Variants in SPRY3 observed in about 807,000 individuals in gnomAD.
SPRY3 encodes sprouty RTK signaling antagonist 3, also known as protein sprouty homolog 3.
In SPRY3, 15 loss-of-function variants were observed where a neutral mutation model predicts 20.2. The ratio of observed to expected loss-of-function variants is 0.74; its 90% CI spans 0.50 to 1.14. SPRY3 has a LOEUF of 1.14. SPRY3 is among the 50% of genes most tolerant of loss of function. SPRY3 has a pLI of 0.00. For missense variants in SPRY3, 364 were observed against 363.9 expected (o/e 1.00, Z 0.00); for synonymous variants, 143 against 136.5 (o/e 1.05, Z -0.33).
chrX:155,730,479 T>G (rs751254772), intron 2 of SPRY3, among the ~76,000 whole-genome samples: 15 of 152,262 alleles, frequency 9.9e-5, no homozygotes, highest in Admixed American at 3.3e-4. Flanking sequence ...TTTGATAAAA[T>G]TTGACATCGC....
intron 2 of SPRY3, among the ~76,000 whole-genome samples, chrX:155,744,564 C>A (rs1253518588): frequency 6.6e-6 from 1 of 152,014 alleles, no homozygotes; most frequent in Non-Finnish European, 1.5e-5. Context: ...TAAAGTGTTT[C>A]TTTCAGTGTC....
chrX:155,769,020 C>A (rs2091365096), intron 3 of SPRY3, among the ~76,000 whole-genome samples: 1 of 152,114 alleles, frequency 6.6e-6, no homozygotes. Context: ...TTTGGATATA[C>A]CAGGTGTTAA....
intron 2 of SPRY3, among the ~76,000 whole-genome samples, chrX:155,734,837 CT>C (rs1221191145): frequency 6.6e-6 from 1 of 151,816 alleles, no homozygotes. Flanking sequence ...CTCTTAATTT[CT>C]TGTTTTCAAT....
intron 1 of SPRY3, among the ~76,000 whole-genome samples, chrX:155,641,709 G>T (rs1172170520): frequency 8.7e-6 from 1 of 115,099 alleles, no homozygotes; most frequent in Non-Finnish European, 1.9e-5. Flanking sequence ...TCTACTTTAT[G>T]ACCTTGCAGC....
At chrX:155,646,383 A>G (rs1557351869) in intron 1 of SPRY3, among the ~76,000 whole-genome samples, 2 of 112,233 alleles carry the variant, frequency 1.8e-5, no homozygotes. Context: ...TTTGCATGGT[A>G]TAGATATTTT....
At chrX:155,708,482 C>T (rs1465876386) in intron 2 of SPRY3, among the ~76,000 whole-genome samples, 2 of 151,160 alleles carry the variant, frequency 1.3e-5, no homozygotes, top group East Asian at 3.9e-4. Flanking sequence ...AGGATGTGTC[C>T]AGGTGTGGCT....
rs1475149352 is a variant in SPRY3, at chrX:155,615,046, T to TA, written c.-441+2400dup. Among the ~76,000 whole-genome samples the TA allele has an allele frequency of 9.8e-5, 11 of 111,905 alleles. No individual in the cohort carries two copies. In the East Asian group the frequency reaches 2.5e-3, roughly 26 times the overall value. ...GGACCAGAGTTTGGCTTTTTTTTTT[T>TA]ATCTGTGAAGGGTCAGCTGGTAAAT... On this transcript the variant is annotated intron_variant, in intron 1 of 3. Coordinates refer to ENST00000675360, the Ensembl canonical transcript of SPRY3.
At chrX:155,684,329 G>A (rs766164963) in intron 2 of SPRY3, among the ~76,000 whole-genome samples, 9 of 111,441 alleles carry the variant, frequency 8.1e-5, no homozygotes, top group African/African-American at 2.6e-4. Context: ...TTGGGATCCA[G>A]CTTGCAGCAG....
At chrX:155,751,142 A>C (rs776910358) in intron 2 of SPRY3, among the ~76,000 whole-genome samples, 2 of 151,992 alleles carry the variant, frequency 1.3e-5, no homozygotes, top group East Asian at 3.9e-4. Context: ...TGAGCAGAAA[A>C]GACAGGAAAA....
intron 2 of SPRY3, among the ~76,000 whole-genome samples, chrX:155,691,314 G>GT (rs1678487232): frequency 1.1e-5 from 1 of 87,868 alleles, no homozygotes; most frequent in Non-Finnish European, 2.1e-5. Context: ...GTTTTTAGTG[G>GT]TGGTATTTAC....
chrX:155,619,362 T>G (rs1433529845), intron 1 of SPRY3, among the ~76,000 whole-genome samples: 1 of 109,967 alleles, frequency 9.1e-6, no homozygotes, highest in Non-Finnish European at 1.9e-5. Flanking sequence ...TCTGTTTCTG[T>G]TTTTTTGTAT....
downstream of SPRY3, chrX:155,778,404 A>C (rs1479235786): frequency 6.0e-6 from 1 of 167,060 alleles, no homozygotes; most frequent in Non-Finnish European, 1.5e-5. Flanking sequence ...CTTTGAAAAC[A>C]TGCTTGCAGC....
intron 2 of SPRY3, among the ~76,000 whole-genome samples, chrX:155,722,021 A>G (rs306926): frequency 0.13 from 19,635 of 152,158 alleles, 2,157 homozygotes; most frequent in African/African-American, 0.31. Context: ...AGACATAGAC[A>G]GTACAATAAG....
exon 4 of SPRY3, chrX:155,774,150 T>G: frequency 6.2e-7 from 1 of 1,613,992 alleles, no homozygotes; most frequent in East Asian, 2.2e-5. Context: ...ATAGCACCAC[T>G]GCCTCTGATC....
chrX:155,716,999 T>A (rs961502835), intron 2 of SPRY3, among the ~76,000 whole-genome samples: 1 of 134,938 alleles, frequency 7.4e-6, no homozygotes, highest in African/African-American at 2.8e-5. Context: ...TATATATATA[T>A]ATATATATAT....
intron 2 of SPRY3, among the ~76,000 whole-genome samples, chrX:155,681,871 G>T (rs188699435): frequency 3.6e-5 from 4 of 112,608 alleles, no homozygotes; most frequent in Admixed American, 9.4e-5. Context: ...TACAAGGAAA[G>T]AAGCCATCTC....
chrX:155,696,253 A>G (rs1196794067), intron 2 of SPRY3, among the ~76,000 whole-genome samples: 1 of 109,433 alleles, frequency 9.1e-6, no homozygotes, highest in Non-Finnish European at 1.9e-5. Flanking sequence ...ATACATATAT[A>G]TACAGAGAGA....
At chrX:155,766,525 T>G (rs899610317) in intron 2 of SPRY3, among the ~76,000 whole-genome samples, 1 of 152,156 alleles carries the variant, frequency 6.6e-6, no homozygotes, top group African/African-American at 2.4e-5. Context: ...AACCAAAGCA[T>G]CCTAAGAATG....
intron 2 of SPRY3, among the ~76,000 whole-genome samples, chrX:155,679,088 G>C (rs601837): frequency 0.34 from 37,899 of 110,082 alleles, 5,739 homozygotes; most frequent in African/African-American, 0.58. Context: ...AGGAGAAATA[G>C]CTAATGTAAA....
Sources: gnomAD v4.1 joint callset for allele counts (sites outside exome capture counted in the v4.1 genomes callset) on GRCh38, gnomAD v4.1.1 for gene constraint, MANE v1.5 for transcripts, NCBI Gene and HGNC (gene_info 2026-07-23, HGNC 2026-07-21) for gene names.